The following TNFRSF19 variants were observed in gnomAD, a reference collection of about 807,000 sequenced individuals.
TNFRSF19 encodes tumor necrosis factor receptor superfamily member 19.
TNFRSF19 carries 27 observed loss-of-function variants against 46.4 expected under a neutral mutation model. The ratio of observed to expected loss-of-function variants is 0.58; its 90% CI spans 0.43 to 0.80. The LOEUF (loss-of-function observed/expected upper bound fraction) is 0.80, where lower values mean the gene tolerates loss of function less well. Ranked by LOEUF, TNFRSF19 falls within the 30% of genes least tolerant of loss-of-function variation. The pLI is 0.00. For missense variants in TNFRSF19, 511 were observed against 530.8 expected, an observed-to-expected ratio of 0.96 and a Z score of 0.37; for synonymous variants, 204 against 205.0, an observed-to-expected ratio of 1.00 and a Z score of 0.04.
chr13:23,578,574 A>G (rs1878131444), intron 1 of TNFRSF19, among the ~76,000 whole-genome samples: 1 of 152,236 alleles, frequency 6.6e-6, no homozygotes, highest in Non-Finnish European at 1.5e-5. Context: ...CACACAGTGC[A>G]GTTGAGTGGG....
At chr13:23,652,680 G>T (rs939856316) in intron 5 of TNFRSF19, among the ~76,000 whole-genome samples, 1 of 152,162 alleles carries the variant, frequency 6.6e-6, no homozygotes, top group African/African-American at 2.4e-5. Context: ...GTTTCCATCT[G>T]CATTGTCATT....
chr13:23,653,632 G>A (rs932483283), intron 5 of TNFRSF19, among the ~76,000 whole-genome samples: 1 of 152,142 alleles, frequency 6.6e-6, no homozygotes, highest in Admixed American at 6.5e-5. Flanking sequence ...GAAGATCTGT[G>A]GGAGGGGCAG....
intron 3 of TNFRSF19, among the ~76,000 whole-genome samples, chr13:23,604,679 G>A (rs569044851): frequency 2.6e-5 from 4 of 152,130 alleles, no homozygotes; most frequent in Non-Finnish European, 5.9e-5. Context: ...ACAGAATAGA[G>A]AGCCCAGGAA....
intron 1 of TNFRSF19, among the ~76,000 whole-genome samples, chr13:23,573,192 T>G (rs1877738135): frequency 6.6e-6 from 1 of 152,224 alleles, no homozygotes; most frequent in Non-Finnish European, 1.5e-5. Flanking sequence ...TTCCAACAAC[T>G]GCTTAAACAA....
chr13:23,579,950 G>A (rs1043399609), intron 1 of TNFRSF19, among the ~76,000 whole-genome samples: 1 of 152,232 alleles, frequency 6.6e-6, no homozygotes, highest in Non-Finnish European at 1.5e-5. Context: ...CAGGGGTCTC[G>A]GGGCCGCATC....
chr13:23,600,308 A>G (rs1456238472), intron 3 of TNFRSF19, among the ~76,000 whole-genome samples: 1 of 152,196 alleles, frequency 6.6e-6, no homozygotes, highest in Non-Finnish European at 1.5e-5. Context: ...AGGCAGCTAC[A>G]GAGAATCACA....
At chr13:23,607,851 A>G (rs949494728) in intron 3 of TNFRSF19, among the ~76,000 whole-genome samples, 1 of 152,182 alleles carries the variant, frequency 6.6e-6, no homozygotes, top group African/African-American at 2.4e-5. Context: ...CCTTAAAACT[A>G]AAGCCTGGAA....
intron 5 of TNFRSF19, among the ~76,000 whole-genome samples, chr13:23,648,271 G>C (rs1883441297): frequency 6.6e-6 from 1 of 152,128 alleles, no homozygotes; most frequent in Non-Finnish European, 1.5e-5. Flanking sequence ...TTTCAATAAT[G>C]TTTGGTAGTT....
rs746908664 is a variant in TNFRSF19 at position 23,659,259 on chromosome 13, C to G, written c.610+45C>G. The G allele has an allele frequency of 1.3e-6, 2 of 1,562,368 alleles. No individual in the cohort carries two copies. The highest frequency in any genetic ancestry group is 2.3e-5 in the East Asian group (1 of 44,238). ...CATTTCTTAGCATTTAGGGGAAGGG[C>G]ATTTATTACTATTGTCGTGCAAGTG... On this transcript the variant is annotated intron_variant, in intron 6 of 9. Transcript: ENST00000248484. This position sits in a 1 kb window ranked among gnomAD's most constrained non-coding sequence, Gnocchi z 4.9.
At chr13:23,631,206 A>G (rs1046788290) in intron 5 of TNFRSF19, among the ~76,000 whole-genome samples, 2 of 152,226 alleles carry the variant, frequency 1.3e-5, no homozygotes, top group Non-Finnish European at 2.9e-5. Flanking sequence ...AATTTTTAAC[A>G]TTTAGTAGAA....
intron 9 of TNFRSF19, 88 bp downstream of exon 9, chr13:23,669,185 T>C (rs1222524572): frequency 1.1e-4 from 157 of 1,478,128 alleles, no homozygotes; most frequent in Non-Finnish European, 1.3e-4. Context: ...TGGGGGAACC[T>C]GATGAGTTTT....
intron 7 of TNFRSF19, 72 bp from the exon 8 acceptor site, chr13:23,667,908 T>G: frequency 3.2e-6 from 4 of 1,269,752 alleles, no homozygotes; most frequent in Admixed American, 2.6e-5. Context: ...CCGAGAGCAG[T>G]GTTGAAGTGT....
At chr13:23,599,403 C>T (rs926787386) in intron 3 of TNFRSF19, among the ~76,000 whole-genome samples, 6 of 152,082 alleles carry the variant, frequency 3.9e-5, no homozygotes, top group East Asian at 3.9e-4. Flanking sequence ...ACACAGCCCT[C>T]GAGAGATCCT....
intron 1 of TNFRSF19, among the ~76,000 whole-genome samples, chr13:23,581,397 C>G (rs1019988665): frequency 6.6e-6 from 1 of 151,894 alleles, no homozygotes; most frequent in Admixed American, 6.6e-5. Flanking sequence ...CCGCCTGCCT[C>G]GACCTCCCAA....
At position 23,618,384 on chromosome 13, in the gene TNFRSF19, A is replaced by G. The variant is rs866060303; in HGVS notation, c.359+2339A>G. On this transcript the variant is annotated intron_variant, in intron 4 of 9. Coordinates refer to ENST00000248484, the MANE Select transcript of TNFRSF19 (RefSeq NM_148957.4). ...CAAAGAAATATACAAATGTCCAATA[A>G]GCACATGAAAAGTTGCCCAACATCA... Among the ~76,000 whole-genome samples, 46 of 152,374 alleles carry G rather than the reference A, an allele frequency of 3.0e-4. No homozygotes were observed. In the Middle Eastern group the frequency reaches 0.017, roughly 56 times the overall value.
intron 5 of TNFRSF19, among the ~76,000 whole-genome samples, chr13:23,652,609 C>G (rs755222575): frequency 2.0e-5 from 3 of 152,320 alleles, no homozygotes; most frequent in South Asian, 4.1e-4. Context: ...CTCTCTCATG[C>G]ATGGCCTGAT....
chr13:23,627,545 G>A (rs1882088118), intron 5 of TNFRSF19, among the ~76,000 whole-genome samples: 2 of 152,198 alleles, frequency 1.3e-5, no homozygotes, highest in South Asian at 2.1e-4. Flanking sequence ...GAAGGGAACC[G>A]GTGAGTGGCC....
chr13:23,609,340 G>C (rs1258846625), intron 3 of TNFRSF19, among the ~76,000 whole-genome samples: 1 of 152,148 alleles, frequency 6.6e-6, no homozygotes, highest in African/African-American at 2.4e-5. Context: ...AATATGGTGA[G>C]GGTTACTCGG....
At chr13:23,581,617 T>C (rs903856841) in intron 1 of TNFRSF19, among the ~76,000 whole-genome samples, 4 of 152,218 alleles carry the variant, frequency 2.6e-5, no homozygotes, top group Admixed American at 1.3e-4. Flanking sequence ...TGTAATGTCA[T>C]ATGCTGTCCT....
Sources: allele counts gnomAD v4.1 joint callset (sites outside exome capture counted in the v4.1 genomes callset), GRCh38; gene constraint gnomAD v4.1.1; non-coding constraint Gnocchi (gnomAD v3.1); transcripts MANE v1.5; gene names NCBI Gene and HGNC (gene_info 2026-07-23, HGNC 2026-07-21).